The following TMEFF2 variants were observed in gnomAD, a reference collection of about 807,000 sequenced individuals.
TMEFF2 encodes transmembrane protein with EGF like and two follistatin like domains 2, also known as tomoregulin-2.
A neutral mutation model predicts 53.8 loss-of-function variants in TMEFF2; 28 were observed. That is an observed-to-expected ratio of 0.52 (90% CI 0.39 to 0.71). TMEFF2 has a LOEUF of 0.71. TMEFF2 is among the 30% of genes least tolerant of loss of function. The pLI is 0.00. For missense variants in TMEFF2, 353 were observed against 455.2 expected (o/e 0.78, Z 2.04); for synonymous variants, 162 against 166.3 (o/e 0.97, Z 0.20).
In TMEFF2 at chr2:192,048,361, A is replaced by ACACACAC. The variant is rs1687676470; in HGVS notation, c.536+9317_536+9318insGTGTGTG. Among the ~76,000 whole-genome samples, 617 of 143,254 alleles carry ACACACAC rather than the reference A, an allele frequency of 4.3e-3. 3 individuals are homozygous for ACACACAC. Among genetic ancestry groups the ACACACAC allele is most frequent in the East Asian group, 0.029 (140 of 4,868 alleles). 94.0% of individuals were successfully genotyped at this position (143,254 alleles called of 152,430 possible). A position where few individuals can be genotyped will look rare whatever the true frequency, so the allele number is the denominator to read the frequency against. ...GTAAAATATTATTAGATTCTCATAA[A>ACACACAC]ACACACACACACACACACACACACA... On this transcript the variant is annotated intron_variant, in intron 5 of 9. Coordinates refer to ENST00000272771, the MANE Select transcript of TMEFF2 (RefSeq NM_016192.4).
intron 4 of TMEFF2, among the ~76,000 whole-genome samples, chr2:192,165,699 T>C (rs982111704): frequency 6.6e-6 from 1 of 151,364 alleles, no homozygotes; most frequent in African/African-American, 2.4e-5. Context: ...CAGGGAACAG[T>C]AGGCAACTAC....
intron 7 of TMEFF2, among the ~76,000 whole-genome samples, chr2:191,964,026 C>T (rs561311803): frequency 1.3e-5 from 2 of 152,200 alleles, no homozygotes; most frequent in African/African-American, 4.8e-5. Context: ...GAATTGCTGT[C>T]GAAGTCAGGG....
At position 191,950,323 on chromosome 2, in the gene TMEFF2, C is replaced by T. The variant is rs200866332; in HGVS notation, c.1113G>A (p.Thr371=). 5.9e-5 allele frequency: 95 copies of T among 1,613,454 alleles called. No homozygotes were observed. Among genetic ancestry groups the T allele is most frequent in the Middle Eastern group, 1.7e-4 (1 of 6,060 alleles). The change falls in exon 10 of 10, where the codon ACG becomes ACA. Residue 371 remains threonine, a synonymous_variant. Coordinates refer to ENST00000272771, the MANE Select transcript of TMEFF2 (RefSeq NM_016192.4). ...AAACATGCTCCCTTTAGATTAACCT[C>T]GTGGACGCTCTTGTTGTATTGTCTG... ...YSSDNTTRAS[T]RLI
chr2:192,184,172 A>G (rs1691255124), intron 3 of TMEFF2, among the ~76,000 whole-genome samples, 182 bp downstream of exon 3: 1 of 152,118 alleles, frequency 6.6e-6, no homozygotes, highest in African/African-American at 2.4e-5. Flanking sequence ...CTTTCTTCCA[A>G]AAGTGATTTG....
At chr2:192,018,791 T>C in intron 5 of TMEFF2, among the ~76,000 whole-genome samples, 1 of 149,802 alleles carries the variant, frequency 6.7e-6, no homozygotes, top group Middle Eastern at 3.4e-3. Context: ...TTATAGTTTT[T>C]CCATGAAATT....
At chr2:192,006,490 A>T (rs1207760494) in intron 5 of TMEFF2, among the ~76,000 whole-genome samples, 2 of 152,190 alleles carry the variant, frequency 1.3e-5, no homozygotes, top group Non-Finnish European at 2.9e-5. Flanking sequence ...CAGATGGAGA[A>T]TGTGACTACA....
intron 4 of TMEFF2, among the ~76,000 whole-genome samples, chr2:192,087,202 A>C (rs1390758315): frequency 2.0e-5 from 3 of 152,120 alleles, no homozygotes; most frequent in Non-Finnish European, 4.4e-5. Flanking sequence ...AGAGTAATTC[A>C]TTCACTATGT....
chr2:192,011,396 G>C (rs1686622452), intron 5 of TMEFF2, among the ~76,000 whole-genome samples: 6 of 152,216 alleles, frequency 3.9e-5, no homozygotes, highest in Admixed American at 3.9e-4. Flanking sequence ...AATTCACGTA[G>C]CAAAGGATCC....
intron 4 of TMEFF2, among the ~76,000 whole-genome samples, chr2:192,164,846 C>T (rs1339780981): frequency 1.3e-5 from 2 of 151,996 alleles, no homozygotes; most frequent in Non-Finnish European, 2.9e-5. Context: ...TTATCTGTAT[C>T]TCTAGCATCT....
chr2:192,024,574 C>T (rs1271744624), intron 5 of TMEFF2, among the ~76,000 whole-genome samples: 5 of 152,116 alleles, frequency 3.3e-5, no homozygotes, highest in Non-Finnish European at 5.9e-5. Flanking sequence ...GCATAGCAGG[C>T]ACATTTTCTA....
At chr2:192,093,428 C>T (rs1559123116) in intron 4 of TMEFF2, among the ~76,000 whole-genome samples, 1 of 152,110 alleles carries the variant, frequency 6.6e-6, no homozygotes, top group African/African-American at 2.4e-5. Flanking sequence ...GACTCCCAGA[C>T]TCTTTCTTGT....
intron 5 of TMEFF2, chr2:192,030,338 A>G (rs537374034): frequency 1.3e-5 from 2 of 152,310 alleles, no homozygotes; most frequent in African/African-American, 4.8e-5. Flanking sequence ...AAGCACACAT[A>G]TGTGACACAA....
chr2:192,057,411 T>TC (rs1205570210), intron 5 of TMEFF2, among the ~76,000 whole-genome samples: 1 of 152,134 alleles, frequency 6.6e-6, no homozygotes, highest in Non-Finnish European at 1.5e-5. Flanking sequence ...GACTTTTTTT[T>TC]CCCTCTATAT....
At chr2:191,973,372 C>T (rs746969671) in intron 7 of TMEFF2, among the ~76,000 whole-genome samples, 57 of 152,040 alleles carry the variant, frequency 3.7e-4, no homozygotes, top group African/African-American at 1.3e-3. Flanking sequence ...ACACTCCTAA[C>T]AGGTATGTAA....
intron 5 of TMEFF2, chr2:192,043,882 T>C (rs1195239963): frequency 6.6e-6 from 1 of 152,254 alleles, no homozygotes; most frequent in Non-Finnish European, 1.5e-5. Context: ...TCTTATGTTC[T>C]CACTCAACTT....
At chr2:191,985,260 T>C (rs1685949651) in intron 7 of TMEFF2, among the ~76,000 whole-genome samples, 1 of 152,140 alleles carries the variant, frequency 6.6e-6, no homozygotes, top group Non-Finnish European at 1.5e-5. Context: ...TATATAACAT[T>C]TATAAATTTA....
At chr2:192,012,494 A>T (rs1321831165) in intron 5 of TMEFF2, among the ~76,000 whole-genome samples, 1 of 152,154 alleles carries the variant, frequency 6.6e-6, no homozygotes, top group Non-Finnish European at 1.5e-5. Flanking sequence ...CTGGGCCAAC[A>T]AACCATGCAG....
rs79282149 is a variant in TMEFF2 at position 192,169,913 on chromosome 2, G to T, written c.439+9755C>A. 3.3e-3 allele frequency among the ~76,000 whole-genome samples: 508 copies of T among 152,142 alleles called. 6 individuals are homozygous for T. The highest frequency in any genetic ancestry group is 0.012 in the African/African-American group (488 of 41,526). Reference sequence around the variant, plus strand: ...GTGGCTGGGCAGCCTGAACTTCAAAGGCAGTGTGGGCATGAGCTTCCAGAA... The same window carrying T: ...GTGGCTGGGCAGCCTGAACTTCAAATGCAGTGTGGGCATGAGCTTCCAGAA... On this transcript the variant is annotated intron_variant, in intron 4 of 9. Transcript: ENST00000272771.
chr2:191,986,480 A>ATTC (rs1281908516), intron 7 of TMEFF2, among the ~76,000 whole-genome samples: 3 of 152,122 alleles, frequency 2.0e-5, no homozygotes, highest in Non-Finnish European at 4.4e-5. Flanking sequence ...AATTTTCATC[A>ATTC]TTCTAATGAG....
Sources: gnomAD v4.1 joint callset for allele counts (sites outside exome capture counted in the v4.1 genomes callset) on GRCh38, gnomAD v4.1.1 for gene constraint, MANE v1.5 for transcripts, NCBI Gene and HGNC (gene_info 2026-07-23, HGNC 2026-07-21) for gene names.